Variants in CADM2 observed in about 807,000 individuals in gnomAD.
CADM2 encodes cell adhesion molecule 2.
In CADM2, 12 loss-of-function variants were observed where a neutral mutation model predicts 49.8. The ratio of observed to expected loss-of-function variants is 0.24; its 90% CI spans 0.15 to 0.39. The LOEUF (loss-of-function observed/expected upper bound fraction) is 0.39, where lower values mean the gene tolerates loss of function less well. Among genes scored for constraint, CADM2 ranks in the 10% least tolerant of loss-of-function variants. The pLI, the probability that CADM2 is intolerant of heterozygous loss-of-function variation, is 1.00. For synonymous variants in CADM2, 214 were observed against 175.4 expected (o/e 1.22, Z -1.74); for missense variants, 378 against 492.3 (o/e 0.77, Z 2.20).
chr3:85,361,226 G>A (rs2032335408), intron 1 of CADM2, among the ~76,000 whole-genome samples: 1 of 152,134 alleles, frequency 6.6e-6, no homozygotes, highest in South Asian at 2.1e-4. Context: ...AGTGCTTGGT[G>A]GGGGCAGAGG....
At chr3:85,463,110 A>G (rs1248669571) in intron 1 of CADM2, among the ~76,000 whole-genome samples, 3 of 152,158 alleles carry the variant, frequency 2.0e-5, no homozygotes. Context: ...TTTAACTCTT[A>G]TGATTTTGTA....
chr3:84,976,462 CA>C (rs1288846639), intron 1 of CADM2, among the ~76,000 whole-genome samples: 1 of 151,460 alleles, frequency 6.6e-6, no homozygotes, highest in Non-Finnish European at 1.5e-5. Flanking sequence ...CAATATATTT[CA>C]AAAGTATTTT....
intron 2 of CADM2, among the ~76,000 whole-genome samples, chr3:85,737,396 G>A (rs1253126378): frequency 6.6e-6 from 1 of 152,086 alleles, no homozygotes; most frequent in Non-Finnish European, 1.5e-5. Flanking sequence ...CACCTAAATT[G>A]TATATTCTAG....
chr3:85,079,090 A>C (rs1046248524), intron 1 of CADM2, among the ~76,000 whole-genome samples: 2 of 151,920 alleles, frequency 1.3e-5, no homozygotes, highest in African/African-American at 2.4e-5. Flanking sequence ...ATTTTTAGGT[A>C]TAAATTAATT....
At position 85,777,244 on chromosome 3, in the gene CADM2, A is replaced by AATT. The variant is rs71112117; in HGVS notation, c.89-24778_89-24776dup. 7.2e-3 allele frequency among the ~76,000 whole-genome samples: 1,070 copies of AATT among 148,744 alleles called. 3 individuals carry two copies. The highest frequency in any genetic ancestry group is 8.8e-3 in the Non-Finnish European group (588 of 67,112). On this transcript the variant is annotated intron_variant, in intron 2 of 9. Transcript: ENST00000383699. ...AAAACATTTGCTATGGTTTTTAAAA[A>AATT]ATTATTATTATTATTATTATTATTA...
intron 8 of CADM2, among the ~76,000 whole-genome samples, chr3:86,017,942 A>T (rs531560583): frequency 7.0e-6 from 1 of 143,596 alleles, no homozygotes; most frequent in Non-Finnish European, 1.5e-5. Context: ...TTAGTTACAT[A>T]TGTATACATG....
chr3:85,692,396 G>T (rs539580011), intron 1 of CADM2, among the ~76,000 whole-genome samples: 1 of 152,222 alleles, frequency 6.6e-6, no homozygotes, highest in East Asian at 1.9e-4. Context: ...AAGTTTTATG[G>T]AATCTTGTTT....
At chr3:85,084,838 T>G (rs2037309697) in intron 1 of CADM2, among the ~76,000 whole-genome samples, 1 of 152,088 alleles carries the variant, frequency 6.6e-6, no homozygotes, top group Admixed American at 6.5e-5. Flanking sequence ...TTGCTCTTGA[T>G]TTTTTCTTTT....
At chr3:85,482,462 G>T (rs776352637) in intron 1 of CADM2, among the ~76,000 whole-genome samples, 1 of 151,596 alleles carries the variant, frequency 6.6e-6, no homozygotes, top group Non-Finnish European at 1.5e-5. Flanking sequence ...CTGAGTTACC[G>T]AGTAATCTCC....
intron 1 of CADM2, among the ~76,000 whole-genome samples, chr3:85,581,990 G>C (rs2062813832): frequency 6.6e-6 from 1 of 152,020 alleles, no homozygotes; most frequent in African/African-American, 2.4e-5. Flanking sequence ...GCAGTGGTGT[G>C]AACTCTGCTC....
At chr3:85,945,682 T>A (rs1722590327) in intron 7 of CADM2, among the ~76,000 whole-genome samples, 3 of 152,112 alleles carry the variant, frequency 2.0e-5, no homozygotes, top group African/African-American at 7.2e-5. Flanking sequence ...AAAAACCACG[T>A]GATTATCTCA....
At chr3:85,309,029 G>A (rs1337567339) in intron 1 of CADM2, among the ~76,000 whole-genome samples, 1 of 152,012 alleles carries the variant, frequency 6.6e-6, no homozygotes, top group African/African-American at 2.4e-5. Context: ...GGTCCCAAGA[G>A]CCCAAATTAA....
intron 7 of CADM2, among the ~76,000 whole-genome samples, chr3:85,941,457 A>G (rs1485036248): frequency 1.3e-5 from 2 of 152,090 alleles, no homozygotes; most frequent in Non-Finnish European, 2.9e-5. Flanking sequence ...AAACTGATAC[A>G]GCAACTTCGA....
chr3:85,706,279 A>C (rs1350080622), intron 1 of CADM2, among the ~76,000 whole-genome samples: 1 of 152,228 alleles, frequency 6.6e-6, no homozygotes, highest in Non-Finnish European at 1.5e-5. Context: ...ACTTTTAGAT[A>C]ATTAAAGCCT....
intron 1 of CADM2, among the ~76,000 whole-genome samples, chr3:85,189,062 A>T (rs7628808): frequency 0.061 from 8,899 of 145,466 alleles, 795 homozygotes; most frequent in African/African-American, 0.2. Flanking sequence ...ATAAATAAAT[A>T]AAATAAATAA....
chr3:85,706,802 C>T (rs926185593), intron 1 of CADM2, among the ~76,000 whole-genome samples: 1 of 151,736 alleles, frequency 6.6e-6, no homozygotes, highest in African/African-American at 2.4e-5. Context: ...AAACTTGAAC[C>T]CCATTAAAAT....
intron 1 of CADM2, among the ~76,000 whole-genome samples, chr3:85,669,293 A>G (rs1224555152): frequency 6.6e-6 from 1 of 152,130 alleles, no homozygotes. Context: ...CCTGAGGCCA[A>G]AACAATTATC....
chr3:85,672,999 A>G (rs1022732260), intron 1 of CADM2, among the ~76,000 whole-genome samples: 2 of 152,182 alleles, frequency 1.3e-5, no homozygotes, highest in African/African-American at 4.8e-5. Context: ...TTAATGCAAT[A>G]TTTCTTGCCT....
intron 1 of CADM2, among the ~76,000 whole-genome samples, chr3:85,081,085 A>T (rs1260397293): frequency 6.6e-6 from 1 of 152,066 alleles, no homozygotes; most frequent in Non-Finnish European, 1.5e-5. Flanking sequence ...AAATTCATTT[A>T]TTTTTTGCTT....
Sources: gnomAD v4.1 joint callset for allele counts (sites outside exome capture counted in the v4.1 genomes callset) on GRCh38, gnomAD v4.1.1 for gene constraint, MANE v1.5 for transcripts, NCBI Gene and HGNC (gene_info 2026-07-23, HGNC 2026-07-21) for gene names.